ZFAND3: variants seen among roughly 807,000 people sequenced by gnomAD.
The protein encoded by ZFAND3 is zinc finger AN1-type containing 3, also known as AN1-type zinc finger protein 3.
ZFAND3 carries 10 observed loss-of-function variants against 29.6 expected under a neutral mutation model. The ratio of observed to expected loss-of-function variants is 0.34; its 90% CI spans 0.21 to 0.57. ZFAND3 has a LOEUF of 0.57. ZFAND3 is among the 20% of genes least tolerant of loss of function. ZFAND3 has a pLI of 0.86. For synonymous variants in ZFAND3, 128 were observed against 112.6 expected (o/e 1.14, Z -0.87); for missense variants, 230 against 304.5 (o/e 0.76, Z 1.82).
chr6:37,978,600 A>G (rs541537905), intron 2 of ZFAND3, among the ~76,000 whole-genome samples: 12 of 152,298 alleles, frequency 7.9e-5, no homozygotes, highest in African/African-American at 2.9e-4. Flanking sequence ...TGCAAATGCA[A>G]TTTCTTTGAT....
At chr6:37,878,324 T>A (rs6925910) in intron 1 of ZFAND3, among the ~76,000 whole-genome samples, 2,188 of 152,276 alleles carry the variant, frequency 0.014, 43 homozygotes, top group African/African-American at 0.048. Context: ...GCACTATGTG[T>A]GAGCCCTATC....
intron 1 of ZFAND3, among the ~76,000 whole-genome samples, chr6:37,894,540 G>A (rs1355409976): frequency 1.3e-5 from 2 of 151,758 alleles, no homozygotes; most frequent in Non-Finnish European, 2.9e-5. Context: ...ATTTTTTTAT[G>A]TTTAAATTTT....
At position 38,032,865 on chromosome 6, in the gene ZFAND3, A is replaced by G. The variant is rs1455971865; in HGVS notation, c.113-28728A>G. ...GTGTGTTTGAAATTGAATTATTATT[A>G]TTTATTCAAATCTAGGAACTAAAAT... On this transcript the variant is annotated intron_variant, in intron 2 of 5. Transcript: ENST00000287218. Among the ~76,000 whole-genome samples, 4 of 152,326 alleles carry G rather than the reference A, an allele frequency of 2.6e-5. No individual in the cohort carries two copies. The Middle Eastern group carries it at 0.01, about 389-fold the overall frequency.
intron 2 of ZFAND3, among the ~76,000 whole-genome samples, chr6:37,932,984 T>C (rs896888218): frequency 2.6e-5 from 4 of 152,190 alleles, no homozygotes; most frequent in Non-Finnish European, 5.9e-5. Context: ...CTTTAGAAAT[T>C]CAAAAGAAAA....
chr6:37,879,398 G>T lies in ZFAND3; in HGVS notation c.72-50561G>T, dbSNP rs139429401. Reference sequence around the variant, plus strand: ...GCAGGGAGTAGGTAGGGGAAGATTGGTGTTAGAAATGGGGGGAATTGCATG... The same window carrying T: ...GCAGGGAGTAGGTAGGGGAAGATTGTTGTTAGAAATGGGGGGAATTGCATG... On this transcript the variant is annotated intron_variant, in intron 1 of 5. Coordinates refer to ENST00000287218, the MANE Select transcript of ZFAND3 (RefSeq NM_021943.3). Among the ~76,000 whole-genome samples, 111 of 152,016 alleles carry T rather than the reference G, an allele frequency of 7.3e-4. 1 individual carries two copies. Among genetic ancestry groups the T allele is most frequent in the Admixed American group, 2.3e-3 (35 of 15,274 alleles).
intron 2 of ZFAND3, among the ~76,000 whole-genome samples, chr6:37,930,401 G>A (rs572458198): frequency 7.2e-5 from 11 of 152,152 alleles, no homozygotes; most frequent in South Asian, 2.1e-4. Flanking sequence ...CCCATCATCA[G>A]ATCCATCATA....
intron 2 of ZFAND3, among the ~76,000 whole-genome samples, chr6:38,021,707 A>G (rs949038295): frequency 5.9e-5 from 9 of 152,200 alleles, no homozygotes; most frequent in African/African-American, 2.2e-4. Context: ...CACCCATTGC[A>G]TGCATCATTG....
At chr6:38,088,949 T>C (rs1301660006) in intron 4 of ZFAND3, among the ~76,000 whole-genome samples, 2 of 152,108 alleles carry the variant, frequency 1.3e-5, no homozygotes, top group South Asian at 2.1e-4. Flanking sequence ...ATAAGAAGCA[T>C]GTTAATTCAA....
chr6:37,958,405 G>A (rs1561946909), intron 2 of ZFAND3, among the ~76,000 whole-genome samples: 1 of 145,996 alleles, frequency 6.8e-6, no homozygotes, highest in African/African-American at 2.5e-5. Context: ...AGTGAGCTGA[G>A]ATTGTGCCAC....
At chr6:37,865,173 G>A (rs1005143450) in intron 1 of ZFAND3, among the ~76,000 whole-genome samples, 10 of 151,922 alleles carry the variant, frequency 6.6e-5, no homozygotes, top group East Asian at 3.8e-4. Flanking sequence ...GTGACACTTC[G>A]TCTCAAAAAA....
intron 5 of ZFAND3, among the ~76,000 whole-genome samples, chr6:38,144,211 A>ATATATTATATATAT (rs70981524): frequency 2.2e-5 from 1 of 45,850 alleles, no homozygotes; most frequent in Non-Finnish European, 3.9e-5. Flanking sequence ...ATATATATAT[A>ATATATTATATATAT]ATATATAATA....
At chr6:38,109,778 C>T (rs543184472) in intron 4 of ZFAND3, among the ~76,000 whole-genome samples, 52 of 152,080 alleles carry the variant, frequency 3.4e-4, no homozygotes, top group Admixed American at 2.0e-3. Flanking sequence ...GTGTGTTCTG[C>T]GGCTCTTTAA....
intron 2 of ZFAND3, among the ~76,000 whole-genome samples, chr6:38,041,673 CTTCTTCTTCTT>C: frequency 4.0e-5 from 1 of 24,816 alleles, no homozygotes; most frequent in African/African-American, 1.5e-4. Context: ...TCTTCTTCTT[CTTCTTCTTCTT>C]CTCCTTCTCC....
At chr6:37,823,805 G>C (rs943878994) in intron 1 of ZFAND3, among the ~76,000 whole-genome samples, 20 of 151,534 alleles carry the variant, frequency 1.3e-4, no homozygotes, top group Non-Finnish European at 2.5e-4. Context: ...TTTTTTTGGG[G>C]GGGGGTAGGA....
At chr6:38,152,018 G>T (rs1766237511) in intron 5 of ZFAND3, among the ~76,000 whole-genome samples, 1 of 152,170 alleles carries the variant, frequency 6.6e-6, no homozygotes, top group African/African-American at 2.4e-5. Context: ...TCCAGGCAGG[G>T]ACAGGCTTGA....
At chr6:38,068,931 T>A (rs1402588504) in intron 3 of ZFAND3, among the ~76,000 whole-genome samples, 1 of 152,230 alleles carries the variant, frequency 6.6e-6, no homozygotes, top group African/African-American at 2.4e-5. Flanking sequence ...TTTCTGGTGA[T>A]ATCGTAGCTC....
chr6:37,918,087 GT>G (rs1245530545), intron 1 of ZFAND3, among the ~76,000 whole-genome samples: 1 of 151,674 alleles, frequency 6.6e-6, no homozygotes, highest in Non-Finnish European at 1.5e-5. Context: ...TTTTGTTTTT[GT>G]TTTTTTGATA....
At chr6:38,142,173 T>G (rs1765970864) in intron 5 of ZFAND3, 8 of 471,108 alleles carry the variant, frequency 1.7e-5, no homozygotes, top group Middle Eastern at 6.5e-4. Flanking sequence ...TACCCCAGTT[T>G]CTCATCTTCA....
At chr6:37,826,925 G>A in intron 1 of ZFAND3, among the ~76,000 whole-genome samples, 1 of 152,142 alleles carries the variant, frequency 6.6e-6, no homozygotes, top group Non-Finnish European at 1.5e-5. Flanking sequence ...TCAGTAACTA[G>A]TGATTACCCT....
Sources: gnomAD v4.1 joint callset for allele counts (sites outside exome capture counted in the v4.1 genomes callset) on GRCh38, gnomAD v4.1.1 for gene constraint, MANE v1.5 for transcripts, NCBI Gene and HGNC (gene_info 2026-07-23, HGNC 2026-07-21) for gene names.